MAP3K2: variants seen among roughly 807,000 people sequenced by gnomAD.
MAP3K2 encodes the protein MAP/ERK kinase kinase 2.
In MAP3K2, 24 loss-of-function variants were observed where a neutral mutation model predicts 80.3. That is an observed-to-expected ratio of 0.30 (90% CI 0.22 to 0.42). The LOEUF (loss-of-function observed/expected upper bound fraction) is 0.42. Ranked by LOEUF, MAP3K2 falls within the 10% of genes least tolerant of loss-of-function variation. The pLI is 1.00. For synonymous variants in MAP3K2, 244 were observed against 253.7 expected (o/e 0.96, Z 0.36); for missense variants, 608 against 750.1 (o/e 0.81, Z 2.21).
rs1042710681 is a variant in MAP3K2, at chr2:127,303,387, C to T, written c.*4192G>A. 1 of 150,638 alleles carries T rather than the reference C, an allele frequency of 6.6e-6. No individual in the cohort carries two copies. Among genetic ancestry groups the T allele is most frequent in the Non-Finnish European group, 1.5e-5 (1 of 67,770 alleles). The allele number at this position is 150,638 out of a possible 1,614,324, so 9.3% of individuals were successfully genotyped here. On this transcript the variant is annotated 3_prime_UTR_variant, in exon 17 of 17. Transcript: ENST00000682094. ...GAATAAATGCTCCCCATCACCAGAACTGTTGAGTAGAGGCTGGGTTTTGCA... is the reference window on the plus strand; with the variant it reads ...GAATAAATGCTCCCCATCACCAGAATTGTTGAGTAGAGGCTGGGTTTTGCA...
chr2:127,326,741 C>T lies in MAP3K2; in HGVS notation c.543G>A (p.Gly181=), dbSNP rs368744226. The T allele has an allele frequency of 1.2e-6, 2 of 1,608,012 alleles. No homozygotes were observed. The highest frequency in any genetic ancestry group is 1.1e-5 in the South Asian group (1 of 90,370). Residue 181 remains glycine (G), a synonymous_variant, in exon 8 of 17, where the codon GGG becomes GGA. Coordinates refer to ENST00000682094, the MANE Select transcript of MAP3K2 (RefSeq NM_001371910.2). ...PDELHQVARN[G]SFTSINSEGE... ...CTTCACTGTTGATACTAGTGAATGA[C>T]CCATTCCGGGCAACCTGGTGTAATT...
intron 15 of MAP3K2, among the ~76,000 whole-genome samples, chr2:127,311,989 T>C (rs1685816101): frequency 6.6e-6 from 1 of 152,228 alleles, no homozygotes; most frequent in Non-Finnish European, 1.5e-5. Context: ...CATTTTAACA[T>C]GCTCATCTGT....
chr2:127,353,552 C>T (rs918175618), intron 1 of MAP3K2, among the ~76,000 whole-genome samples: 2 of 95,392 alleles, frequency 2.1e-5, no homozygotes, highest in African/African-American at 4.3e-5. Flanking sequence ...GCAGCTGCCC[C>T]GTCCGGGAGG....
At position 127,306,847 on chromosome 2, in the gene MAP3K2, CGTGTGT is replaced by C. The variant is rs58705764; in HGVS notation, c.*726_*731del. 0.13 allele frequency: 19,372 copies of C among 150,320 alleles called. 1,417 individuals are homozygous for C. The highest frequency in any genetic ancestry group is 0.21 in the African/African-American group (8,533 of 40,880). The allele number at this position is 150,320 out of a possible 1,614,324, so 9.3% of individuals were successfully genotyped here. On this transcript the variant is annotated 3_prime_UTR_variant, in exon 17 of 17. Coordinates refer to ENST00000682094, the MANE Select transcript of MAP3K2 (RefSeq NM_001371910.2). The surrounding 1 kb of genome is among the most constrained non-coding windows in gnomAD (Gnocchi z 4.7). ...ACTTGACTTTAAAATAAAGGTTTTC[CGTGTGT>C]GTGTGTGTGTGTGTGTGTGTGTTTT... is the stretch of plus-strand genomic sequence containing the variant.
At chr2:127,319,248 A>C (rs1193920213) in intron 12 of MAP3K2, among the ~76,000 whole-genome samples, 6 of 151,868 alleles carry the variant, frequency 4.0e-5, no homozygotes, top group East Asian at 1.9e-4. Context: ...AAAAAAAAAA[A>C]AAAAAACCCT....
intron 1 of MAP3K2, among the ~76,000 whole-genome samples, chr2:127,371,491 AC>A (rs962541540): frequency 2.0e-5 from 3 of 152,168 alleles, no homozygotes; most frequent in Non-Finnish European, 4.4e-5. Flanking sequence ...CAATCGTTTA[AC>A]CCAGGCAATT....
intron 1 of MAP3K2, among the ~76,000 whole-genome samples, chr2:127,382,121 TAC>T (rs991905251): frequency 6.6e-6 from 1 of 152,212 alleles, no homozygotes; most frequent in African/African-American, 2.4e-5. Flanking sequence ...GGGATGGGTG[TAC>T]AAACCACAAA....
intron 1 of MAP3K2, among the ~76,000 whole-genome samples, chr2:127,376,650 C>T (rs567227230): frequency 1.6e-4 from 25 of 152,232 alleles, no homozygotes; most frequent in African/African-American, 5.8e-4. Context: ...AGCTGAGCCC[C>T]CAGCTGACCC....
rs1685730880 is a variant in MAP3K2, at chr2:127,307,789, A to G, written c.1650T>C (p.Thr550=). The change falls in exon 17 of 17, where the codon ACT becomes ACC. Residue 550 remains threonine, a synonymous_variant. Coordinates refer to ENST00000682094, the MANE Select transcript of MAP3K2 (RefSeq NM_001371910.2). This position sits in a 1 kb window ranked among gnomAD's most constrained non-coding sequence, Gnocchi z 5.4. ...RKADIWSVAC[T]VVEMLTEKPP... ...GCTTTTCAGTTAGCATTTCTACCAC[A>G]GTACATGCAACACTCCTGAAAAGAA... The G allele has an allele frequency of 2.5e-6, 4 of 1,588,506 alleles. No individual in the cohort carries two copies. The African/African-American group carries it at 4.0e-5, about 16-fold the overall frequency.
At chr2:127,315,023 G>T in intron 14 of MAP3K2, 140 bp from the exon 15 acceptor site, 3 of 622,616 alleles carry the variant, frequency 4.8e-6, no homozygotes, top group South Asian at 2.2e-5. Flanking sequence ...TACTTATTTT[G>T]TTCTTATTCT....
intron 1 of MAP3K2, among the ~76,000 whole-genome samples, chr2:127,359,188 G>A (rs1686845046): frequency 6.6e-6 from 1 of 152,134 alleles, no homozygotes; most frequent in African/African-American, 2.4e-5. Context: ...TAATTCTAAT[G>A]TAAATTATGG....
intron 8 of MAP3K2, among the ~76,000 whole-genome samples, chr2:127,326,224 A>G (rs1686135173): frequency 7.0e-6 from 1 of 143,596 alleles, no homozygotes; most frequent in African/African-American, 2.5e-5. Flanking sequence ...AATGTAAACT[A>G]CTATAATAGT....
chr2:127,344,137 T>C (rs1327766726), intron 1 of MAP3K2, among the ~76,000 whole-genome samples: 1 of 152,176 alleles, frequency 6.6e-6, no homozygotes, highest in Non-Finnish European at 1.5e-5. Context: ...AGTGCCAACA[T>C]GACACTATGA....
Position 127,306,349 on chromosome 2 carries a change from T to C in MAP3K2, c.*1230A>G, listed in dbSNP as rs1260353771. The C allele has an allele frequency of 2.0e-5, 3 of 152,188 alleles. No individual in the cohort carries two copies. The highest frequency in any genetic ancestry group is 7.2e-5 in the African/African-American group (3 of 41,454). The allele number at this position is 152,188 out of a possible 1,614,324, so 9.4% of individuals were successfully genotyped here. On this transcript the variant is annotated 3_prime_UTR_variant, in exon 17 of 17. Coordinates refer to ENST00000682094, the MANE Select transcript of MAP3K2 (RefSeq NM_001371910.2). The surrounding 1 kb of genome is among the most constrained non-coding windows in gnomAD (Gnocchi z 4.7). ...ATTATAATCTATTTAGCAACATCCC[T>C]GGCCTCTACCCAATTCATGTTACTA... is the stretch of plus-strand genomic sequence containing the variant.
intron 1 of MAP3K2, among the ~76,000 whole-genome samples, chr2:127,380,425 A>C (rs918862844): frequency 3.3e-5 from 5 of 152,330 alleles, no homozygotes; most frequent in African/African-American, 1.2e-4. Flanking sequence ...GACTAACCAC[A>C]CAAATGGAAA....
intron 1 of MAP3K2, 25 bp from the exon 2 acceptor site, chr2:127,343,219 T>C: frequency 1.1e-6 from 1 of 919,622 alleles, no homozygotes; most frequent in South Asian, 1.8e-5. Context: ...CAGATCAGCA[T>C]ATTAATAAAA....
chr2:127,308,469 TTACGTCC>T, intron 16 of MAP3K2, 109 bp downstream of exon 16: 1 of 899,966 alleles, frequency 1.1e-6, no homozygotes. Flanking sequence ...TTCGCAATTC[TTACGTCC>T]TATTTTGGAA....
At chr2:127,363,904 G>A (rs1686929997) in intron 1 of MAP3K2, among the ~76,000 whole-genome samples, 2 of 152,012 alleles carry the variant, frequency 1.3e-5, no homozygotes, top group Admixed American at 6.6e-5. Flanking sequence ...TGATCCTCCT[G>A]CCTCAGCCTC....
Sources: gnomAD v4.1 joint callset for allele counts (sites outside exome capture counted in the v4.1 genomes callset) on GRCh38, gnomAD v4.1.1 for gene constraint, Gnocchi (gnomAD v3.1) non-coding constraint, MANE v1.5 for transcripts, NCBI Gene and HGNC (gene_info 2026-07-23, HGNC 2026-07-21) for gene names.